IQCN: variants seen among roughly 807,000 people sequenced by gnomAD.
IQCN encodes IQ motif containing N, also known as IQ domain-containing protein N.
IQCN carries 46 observed loss-of-function variants against 64.4 expected under a neutral mutation model. The observed-to-expected ratio is 0.71, with a 90% confidence interval of 0.56 to 0.91. The LOEUF (loss-of-function observed/expected upper bound fraction) is 0.91, where lower values mean the gene tolerates loss of function less well. Ranked by LOEUF, IQCN falls within the 40% of genes least tolerant of loss-of-function variation. IQCN has a pLI of 0.00. For missense variants in IQCN, 1,753 were observed against 1,857.4 expected (o/e 0.94, Z 1.03); for synonymous variants, 733 against 775.6 (o/e 0.95, Z 0.91).
chr19:18,269,921 A>G (rs1969698850), intron 1 of IQCN, among the ~76,000 whole-genome samples: 1 of 152,096 alleles, frequency 6.6e-6, no homozygotes, highest in Admixed American at 6.6e-5. Flanking sequence ...TCCAGGCATC[A>G]GAAATGGCGT....
chr19:18,271,855 G>A (rs1969741204), intron 1 of IQCN, among the ~76,000 whole-genome samples: 1 of 152,090 alleles, frequency 6.6e-6, no homozygotes, highest in Non-Finnish European at 1.5e-5. Context: ...CCCCAGGCTG[G>A]AGTGCAGCGG....
Position 18,266,416 on chromosome 19 carries a change from A to C in IQCN, c.1124T>G (p.Ile375Ser). The change falls in exon 3 of 4, where the codon ATC becomes AGC. Residue 375 changes from isoleucine (I) to serine (S), a missense_variant. Physicochemically the swap from Ile to Ser is moderately radical, Grantham distance 142. Transcript: ENST00000392413. The surrounding 1 kb of genome is among the most constrained non-coding windows in gnomAD (Gnocchi z 4.3). ...KTSPVPKVTI[I>S]KTPAQMYPGP... ...CGGATACATCTGGGCTGGGGTCTTG[A>C]TTATTGTTACTTTGGGAACTGGGCT... 1 of 1,588,264 alleles carries C rather than the reference A, an allele frequency of 6.3e-7. No individual in the cohort carries two copies. Among genetic ancestry groups the C allele is most frequent in the Non-Finnish European group, 8.6e-7 (1 of 1,167,886 alleles).
At chr19:18,263,388 A>G (rs1028775832) in intron 3 of IQCN, among the ~76,000 whole-genome samples, 19 of 152,184 alleles carry the variant, frequency 1.2e-4, no homozygotes, top group African/African-American at 4.6e-4. Flanking sequence ...CTCACCGAGG[A>G]TGGATGGCTG....
chr19:18,266,709 G>C lies in IQCN; in HGVS notation c.831C>G (p.Asp277Glu). The C allele has an allele frequency of 1.2e-6, 2 of 1,614,154 alleles. No homozygotes were observed. The highest frequency in any genetic ancestry group is 1.7e-6 in the Non-Finnish European group (2 of 1,180,030). The change falls in exon 3 of 4, where the codon GAC (aspartate) becomes GAG (glutamate). Residue 277 changes from aspartate (D) to glutamate (E), a missense_variant. By Grantham distance (45) the Asp-to-Glu change is conservative. Transcript: ENST00000392413. This position sits in a 1 kb window ranked among gnomAD's most constrained non-coding sequence, Gnocchi z 4.3. Reference protein sequence around the residue: ...RSTCLVHIEGDSVKTKRVSAR... With the variant: ...RSTCLVHIEGESVKTKRVSAR... ...CACTTACACGTTTGGTCTTCACTGAGTCACCCTCTATGTGGACGAGGCAGG... is the reference window on the plus strand; with the variant it reads ...CACTTACACGTTTGGTCTTCACTGACTCACCCTCTATGTGGACGAGGCAGG...
intron 3 of IQCN, chr19:18,259,546 A>T (rs1969383338): frequency 1.3e-5 from 2 of 152,380 alleles, no homozygotes; most frequent in African/African-American, 4.8e-5. Flanking sequence ...GGAAGGCTGG[A>T]GGTTATGCCA....
In IQCN at chr19:18,269,495, CAGG is replaced by C; in HGVS notation, c.-20_-18del. 1.9e-6 allele frequency: 3 copies of C among 1,613,816 alleles called. No homozygotes were observed. The highest frequency in any genetic ancestry group is 4.5e-5 in the East Asian group (2 of 44,874). Reference sequence around the variant, plus strand: ...AAGGGTCATAGATTTGGAGGAGTAGCAGGAGAAGAAGGTGCAATCTCAGAAGCC... The same window carrying C: ...AAGGGTCATAGATTTGGAGGAGTAGCAGAAGAAGGTGCAATCTCAGAAGCC... On this transcript the variant is annotated 5_prime_UTR_variant, in exon 2 of 4. Coordinates refer to ENST00000392413, the MANE Select transcript of IQCN (RefSeq NM_001145304.2).
Position 18,264,937 on chromosome 19 carries a change from C to G in IQCN, c.2603G>C (p.Cys868Ser), listed in dbSNP as rs1447911393. The G allele has an allele frequency of 6.2e-7, 1 of 1,612,488 alleles. No homozygotes were observed. The highest frequency in any genetic ancestry group is 1.1e-5 in the South Asian group (1 of 91,082). ...QPSMPGQAVP[C>S]QEDTVGSLLA... ...CAGGGAGCCTACCGTGTCCTCCTGG[C>G]AGGGCACCGCCTGGCCGGGCATTGA... is the stretch of plus-strand genomic sequence containing the variant. The change falls in exon 3 of 4, where the codon TGC becomes TCC. Residue 868 changes from cysteine to serine, a missense_variant. Transcript: ENST00000392413. The surrounding 1 kb of genome is among the most constrained non-coding windows in gnomAD (Gnocchi z 4.3).
chr19:18,258,355 C>T, intron 3 of IQCN: 1 of 690,060 alleles, frequency 1.4e-6, no homozygotes, highest in Non-Finnish European at 2.6e-6. Context: ...GTGGGGTTTG[C>T]ACCACTTCGG....
chr19:18,266,337 G>C lies in IQCN; in HGVS notation c.1203C>G (p.Thr401=). 1 of 1,613,244 alleles carries C rather than the reference G, an allele frequency of 6.2e-7. No individual in the cohort carries two copies. The highest frequency in any genetic ancestry group is 8.5e-7 in the Non-Finnish European group (1 of 1,179,648). Reference sequence around the variant, plus strand: ...AGGCTGTGGGGTGTACCTGGATCTTGGTCATTGTGGGCATGGGGCATGTGT... The same window carrying C: ...AGGCTGTGGGGTGTACCTGGATCTTCGTCATTGTGGGCATGGGGCATGTGT... ...APHTCPMPTM[T]KIQVHPTASR... is the part of the protein sequence containing the mutation. Residue 401 remains threonine (T), a synonymous_variant, in exon 3 of 4, where the codon ACC becomes ACG. Transcript: ENST00000392413. The surrounding 1 kb of genome is among the most constrained non-coding windows in gnomAD (Gnocchi z 4.3).
rs750062150 is a variant in IQCN, at chr19:18,266,571, G to A, written c.969C>T (p.Pro323=). 10 of 1,613,572 alleles carry A rather than the reference G, an allele frequency of 6.2e-6. No individual in the cohort carries two copies. The Admixed American group carries it at 6.7e-5, about 11-fold the overall frequency. The change falls in exon 3 of 4, where the codon CCC becomes CCT. Residue 323 remains proline (P), a synonymous_variant. Transcript: ENST00000392413. The surrounding 1 kb of genome is among the most constrained non-coding windows in gnomAD (Gnocchi z 4.3). ...QTQGPVKAET[P]KAPFQICPGP... The stretch of plus-strand genomic sequence containing the variant: ...CTGGACATATCTGGAAGGGGGCTTT[G>A]GGGGTCTCTGCTTTCACAGGGCCCT...
In IQCN at chr19:18,264,440, C is replaced by T. The variant is rs375377283; in HGVS notation, c.3100G>A (p.Val1034Met). The change falls in exon 3 of 4, where the codon GTG (valine) becomes ATG (methionine). Residue 1034 changes from valine to methionine, a missense_variant. Coordinates refer to ENST00000392413, the MANE Select transcript of IQCN (RefSeq NM_001145304.2). This position sits in a 1 kb window ranked among gnomAD's most constrained non-coding sequence, Gnocchi z 4.3. ...GSGVTKTPAL[V>M]KVACRRSPSA... ...GGACTCCTCCTGCAGGCCACCTTCACCAGGGCCGGCGTCTTAGTCACCCCG... is the reference window on the plus strand; with the variant it reads ...GGACTCCTCCTGCAGGCCACCTTCATCAGGGCCGGCGTCTTAGTCACCCCG... 3 of 1,550,064 alleles carry T rather than the reference C, an allele frequency of 1.9e-6. No homozygotes were observed. Among genetic ancestry groups the T allele is most frequent in the Non-Finnish European group, 2.6e-6 (3 of 1,146,222 alleles).
intron 3 of IQCN, 22 bp from the exon 4 acceptor site, chr19:18,258,128 G>C (rs767720386): frequency 3.7e-6 from 6 of 1,604,598 alleles, no homozygotes; most frequent in Middle Eastern, 1.6e-4. Flanking sequence ...TGGAGTTCAG[G>C]GATGCCTTGT....
chr19:18,258,812 G>C (rs1202258652), intron 3 of IQCN: 2 of 205,102 alleles, frequency 9.8e-6, no homozygotes, highest in Non-Finnish European at 2.0e-5. Flanking sequence ...GATAAACTGA[G>C]GGGGACTTAG....
At chr19:18,273,312 A>G (rs146942947) in intron 1 of IQCN, among the ~76,000 whole-genome samples, 35,803 of 151,160 alleles carry the variant, frequency 0.24, 4,300 homozygotes, top group South Asian at 0.38. Context: ...GATTACAGGC[A>G]TGAGTCACCA....
intron 1 of IQCN, among the ~76,000 whole-genome samples, chr19:18,269,970 ACT>A (rs1969699594): frequency 6.8e-6 from 1 of 147,848 alleles, no homozygotes; most frequent in East Asian, 2.0e-4. Context: ...CAATCCCAGC[ACT>A]TTGGGAGGCC....
At chr19:18,271,533 A>C (rs1247361388) in intron 1 of IQCN, among the ~76,000 whole-genome samples, 1 of 151,866 alleles carries the variant, frequency 6.6e-6, no homozygotes, top group African/African-American at 2.4e-5. Flanking sequence ...GAGTATCCCC[A>C]AAAAAGGGGC....
At chr19:18,270,234 G>A (rs1473131320) in intron 1 of IQCN, among the ~76,000 whole-genome samples, 2 of 150,862 alleles carry the variant, frequency 1.3e-5, no homozygotes, top group Admixed American at 1.3e-4. Context: ...AGTGGTTGAC[G>A]CCTGTAATTC....
Position 18,266,831 on chromosome 19 carries a change from A to G in IQCN, c.709T>C (p.Phe237Leu), listed in dbSNP as rs916361900. 2 of 1,613,916 alleles carry G rather than the reference A, an allele frequency of 1.2e-6. No individual in the cohort carries two copies. The highest frequency in any genetic ancestry group is 2.7e-5 in the African/African-American group (2 of 74,898). Residue 237 changes from phenylalanine (F) to leucine (L), a missense_variant, in exon 3 of 4, where the codon TTC becomes CTC. Physicochemically the swap from Phe to Leu is conservative, Grantham distance 22. Transcript: ENST00000392413. The surrounding 1 kb of genome is among the most constrained non-coding windows in gnomAD (Gnocchi z 4.3). ...PHAARVRGLA[F>L]LPHQTVTIRF... is the part of the protein sequence containing the mutation. Reference sequence around the variant, plus strand: ...ATGGTGACCGTCTGGTGTGGCAGGAAGGCCAGCCCCCGGACTCTGGCAGCA... The same window carrying G: ...ATGGTGACCGTCTGGTGTGGCAGGAGGGCCAGCCCCCGGACTCTGGCAGCA...
intron 3 of IQCN, among the ~76,000 whole-genome samples, chr19:18,263,177 G>T (rs923906786): frequency 6.6e-6 from 1 of 152,178 alleles, no homozygotes; most frequent in Non-Finnish European, 1.5e-5. Flanking sequence ...TCACCGCAAG[G>T]TCCCCTTCTA....
Sources: allele counts gnomAD v4.1 joint callset (sites outside exome capture counted in the v4.1 genomes callset), GRCh38; gene constraint gnomAD v4.1.1; non-coding constraint Gnocchi (gnomAD v3.1); transcripts MANE v1.5; gene names NCBI Gene and HGNC (gene_info 2026-07-23, HGNC 2026-07-21).